CDH18: variants seen among roughly 807,000 people sequenced by gnomAD.
CDH18 encodes the protein cadherin 18.
CDH18 carries 31 observed loss-of-function variants against 67.9 expected under a neutral mutation model. The ratio of observed to expected loss-of-function variants is 0.46; its 90% CI spans 0.34 to 0.62. The LOEUF (loss-of-function observed/expected upper bound fraction) is 0.62, where lower values mean the gene tolerates loss of function less well. Ranked by LOEUF, CDH18 falls within the 20% of genes least tolerant of loss-of-function variation. The pLI, the probability that CDH18 is intolerant of heterozygous loss-of-function variation, is 0.01. For missense variants in CDH18, 890 were observed against 975.5 expected, an observed-to-expected ratio of 0.91 and a Z score of 1.17; for synonymous variants, 362 against 347.2, an observed-to-expected ratio of 1.04 and a Z score of -0.48.
chr5:19,596,141 C>G (rs149111544), intron 6 of CDH18, among the ~76,000 whole-genome samples: 1 of 152,150 alleles, frequency 6.6e-6, no homozygotes, highest in Non-Finnish European at 1.5e-5. Context: ...TAGAAAATAA[C>G]TTTCATCTCT....
chr5:20,283,893 C>A (rs973045672), intron 1 of CDH18, among the ~76,000 whole-genome samples: 3 of 152,102 alleles, frequency 2.0e-5, no homozygotes, highest in South Asian at 4.2e-4. Context: ...GGTACATATA[C>A]ACAGTGGGGC....
intron 3 of CDH18, among the ~76,000 whole-genome samples, chr5:19,811,945 G>T (rs1188422315): frequency 6.6e-6 from 1 of 152,138 alleles, no homozygotes. Context: ...GGAGGAAGAA[G>T]GGGATAGAAG....
At chr5:20,078,863 G>A (rs751955420) in intron 2 of CDH18, among the ~76,000 whole-genome samples, 12 of 152,190 alleles carry the variant, frequency 7.9e-5, no homozygotes, top group East Asian at 5.8e-4. Flanking sequence ...TGATCCACCC[G>A]CCTCGGCCTC....
intron 8 of CDH18, among the ~76,000 whole-genome samples, chr5:19,570,312 C>T (rs771646443): frequency 2.6e-5 from 4 of 151,980 alleles, no homozygotes; most frequent in Admixed American, 6.6e-5. Context: ...CATAGTTTAC[C>T]GATCCTCCTT....
chr5:19,794,415 T>C (rs563902538), intron 3 of CDH18, among the ~76,000 whole-genome samples: 5 of 152,238 alleles, frequency 3.3e-5, no homozygotes, highest in African/African-American at 9.6e-5. Flanking sequence ...CTCTCCAAAA[T>C]TGGCACTCCT....
chr5:20,300,988 G>A (rs760561430), intron 1 of CDH18, among the ~76,000 whole-genome samples: 1 of 152,110 alleles, frequency 6.6e-6, no homozygotes, highest in Non-Finnish European at 1.5e-5. Context: ...GGATGAACTA[G>A]AAGAATTTCT....
chr5:20,280,770 G>A (rs1264698429), intron 1 of CDH18, among the ~76,000 whole-genome samples: 3 of 152,150 alleles, frequency 2.0e-5, no homozygotes, highest in Non-Finnish European at 2.9e-5. Context: ...CTAGATCCCT[G>A]AGGAATCGCC....
intron 1 of CDH18, among the ~76,000 whole-genome samples, chr5:20,257,903 GATA>G (rs1561918234): frequency 6.6e-6 from 1 of 152,036 alleles, no homozygotes; most frequent in Non-Finnish European, 1.5e-5. Flanking sequence ...CTCTTGAAAT[GATA>G]ATAAAGTACA....
At chr5:20,261,735 A>T (rs1438768270) in intron 1 of CDH18, among the ~76,000 whole-genome samples, 1 of 152,174 alleles carries the variant, frequency 6.6e-6, no homozygotes, top group Non-Finnish European at 1.5e-5. Context: ...CGTTTAAAAA[A>T]AAAAAATGAT....
intron 2 of CDH18, among the ~76,000 whole-genome samples, chr5:20,037,807 A>G (rs1342781755): frequency 6.6e-6 from 1 of 152,122 alleles, no homozygotes; most frequent in Non-Finnish European, 1.5e-5. Flanking sequence ...GAGAAGCACG[A>G]GCAAACACAT....
chr5:20,053,318 C>T (rs1471896677), intron 2 of CDH18, among the ~76,000 whole-genome samples: 1 of 151,674 alleles, frequency 6.6e-6, no homozygotes, highest in Non-Finnish European at 1.5e-5. Flanking sequence ...CATACATACA[C>T]ACACACACAC....
chr5:19,613,010 G>A (rs891890458), intron 5 of CDH18, among the ~76,000 whole-genome samples: 1 of 152,014 alleles, frequency 6.6e-6, no homozygotes, highest in Non-Finnish European at 1.5e-5. Context: ...GCTGGGCGTG[G>A]TGGCGCATGC....
At chr5:19,654,904 A>T (rs76966429) in intron 5 of CDH18, among the ~76,000 whole-genome samples, 8,058 of 152,124 alleles carry the variant, frequency 0.053, 302 homozygotes, top group Non-Finnish European at 0.081. Context: ...TACTCTCGAC[A>T]TTCAGACACT....
chr5:19,543,990 G>A lies in CDH18; in HGVS notation c.1269C>T (p.Tyr423=). 6.4e-7 allele frequency: 1 copy of A among 1,570,020 alleles called. No homozygotes were observed. Among genetic ancestry groups the A allele is most frequent in the East Asian group, 2.2e-5 (1 of 44,598 alleles). ...TGAAAAATCTGTCGTCTTCAACATT[G>A]TAGTTGATGAAGTATCTAGAGAAAA... ...TNSLVRYFIN[Y]NVEDDRFFNI... Residue 423 remains tyrosine (Y), a synonymous_variant, in exon 9 of 13, where the codon TAC becomes TAT. Transcript: ENST00000382275.
At chr5:20,126,001 G>A (rs559661359) in intron 2 of CDH18, among the ~76,000 whole-genome samples, 1 of 152,112 alleles carries the variant, frequency 6.6e-6, no homozygotes, top group Non-Finnish European at 1.5e-5. Context: ...ATCTCAAATA[G>A]CCAAAGCAAT....
At chr5:19,580,081 A>G (rs1385788916) in intron 7 of CDH18, among the ~76,000 whole-genome samples, 1 of 151,860 alleles carries the variant, frequency 6.6e-6, no homozygotes, top group Non-Finnish European at 1.5e-5. Context: ...ATAAAATGTA[A>G]ACTATTGACA....
intron 2 of CDH18, among the ~76,000 whole-genome samples, chr5:19,916,873 G>A (rs914256949): frequency 6.6e-6 from 1 of 152,064 alleles, no homozygotes; most frequent in Non-Finnish European, 1.5e-5. Context: ...CTAAGATTCT[G>A]TTTTATACAG....
intron 1 of CDH18, among the ~76,000 whole-genome samples, chr5:20,334,802 T>G (rs1054517025): frequency 6.9e-6 from 1 of 144,932 alleles, no homozygotes; most frequent in Non-Finnish European, 1.5e-5. Flanking sequence ...AAATGGCTTC[T>G]CCACCTCAAT....
chr5:19,844,005 T>C (rs566589355), intron 2 of CDH18, among the ~76,000 whole-genome samples: 1 of 152,304 alleles, frequency 6.6e-6, no homozygotes, highest in South Asian at 2.1e-4. Flanking sequence ...TCTATCCCCA[T>C]TGTATCTATG....
Sources: allele counts gnomAD v4.1 joint callset (sites outside exome capture counted in the v4.1 genomes callset), GRCh38; gene constraint gnomAD v4.1.1; transcripts MANE v1.5; gene names NCBI Gene and HGNC (gene_info 2026-07-23, HGNC 2026-07-21).